The following USP7 variants were observed in gnomAD, a reference collection of about 807,000 sequenced individuals.
The protein encoded by USP7 is ubiquitin specific peptidase 7.
In USP7, 9 loss-of-function variants were observed where a neutral mutation model predicts 162.9. That is an observed-to-expected ratio of 0.06 (90% confidence interval 0.03 to 0.10). The LOEUF (loss-of-function observed/expected upper bound fraction) is 0.10. Ranked by LOEUF, USP7 falls within the 10% of genes least tolerant of loss-of-function variation. The probability of loss-of-function intolerance (pLI) is 1.00; values close to 1 mark genes in which losing one functional copy is unlikely to be tolerated. For missense variants in USP7, 715 were observed against 1,373.7 expected (o/e 0.52, Z 7.58); for synonymous variants, 562 against 475.9 (o/e 1.18, Z -2.35).
rs772106816 is a variant in USP7, at chr16:8,921,866, C to T, written c.384-571G>A. 1.2e-4 allele frequency among the ~76,000 whole-genome samples: 19 copies of T among 152,330 alleles called. No homozygotes were observed. The South Asian group carries it at 2.5e-3, about 20-fold the overall frequency. ...GATCCAGGTTCAAAAACCATACATA[C>T]AGCACTTAAGCCAAAGAAAGTTAAG... On this transcript the variant is annotated intron_variant, in intron 3 of 30. Transcript: ENST00000344836.
Position 8,945,408 on chromosome 16 carries a change from G to A in USP7, c.80-15011C>T, listed in dbSNP as rs184812800. On this transcript the variant is annotated intron_variant, in intron 1 of 30. Coordinates refer to ENST00000344836, the MANE Select transcript of USP7 (RefSeq NM_003470.3). ...CAAACAAACAAACAAAAAGTTCCTGGGAAGACTAGTTGTCCAGAGAGTAGC... is the reference window on the plus strand; with the variant it reads ...CAAACAAACAAACAAAAAGTTCCTGAGAAGACTAGTTGTCCAGAGAGTAGC... Among the ~76,000 whole-genome samples, 6 of 152,250 alleles carry A rather than the reference G, an allele frequency of 3.9e-5. No homozygotes were observed. The East Asian group carries it at 9.7e-4, about 25-fold the overall frequency.
chr16:8,905,278 A>G lies in USP7; in HGVS notation c.1482T>C (p.Ile494=), dbSNP rs561329931. 3.7e-6 allele frequency: 6 copies of G among 1,614,184 alleles called. No individual in the cohort carries two copies. The Admixed American group carries it at 5.0e-5, about 13-fold the overall frequency. ...CATCGTGACCCCCATAATTGTGCTC[A>G]ATTGCTTCCTCTTTAGTACACCTTG... ...VVSRCTKEEA[I]EHNYGGHDDD... Residue 494 remains isoleucine (I), a synonymous_variant, in exon 14 of 31, where the codon ATT becomes ATC. Transcript: ENST00000344836.
At chr16:8,896,935 C>CA (rs2061690394) in intron 26 of USP7, 64 bp downstream of exon 26, 2 of 1,254,748 alleles carry the variant, frequency 1.6e-6, no homozygotes, top group Admixed American at 1.7e-5. Flanking sequence ...AACGCAACTG[C>CA]AGAGGTCAGC....
chr16:8,953,565 G>C (rs1899661652), intron 1 of USP7, among the ~76,000 whole-genome samples: 1 of 137,072 alleles, frequency 7.3e-6, no homozygotes. Flanking sequence ...GCCACCGGAA[G>C]CAGAGGGAAG....
chr16:8,904,365 C>T (rs971501179), intron 15 of USP7, 70 bp downstream of exon 15: 14 of 1,585,654 alleles, frequency 8.8e-6, no homozygotes, highest in Non-Finnish European at 1.2e-5. Flanking sequence ...GGGGGCTGAC[C>T]TGCACTTGTG....
At chr16:8,925,169 G>A (rs1161063791) in intron 2 of USP7, among the ~76,000 whole-genome samples, 2 of 152,192 alleles carry the variant, frequency 1.3e-5, no homozygotes, top group East Asian at 1.9e-4. Flanking sequence ...GAGGTTCGCC[G>A]AGGCTGTTTT....
chr16:8,962,294 G>C (rs559276188), intron 1 of USP7, among the ~76,000 whole-genome samples: 2 of 152,164 alleles, frequency 1.3e-5, no homozygotes, highest in African/African-American at 4.8e-5. Context: ...AAGACCATTT[G>C]GACTTTGCTT....
At chr16:8,955,460 C>G (rs183423442) in intron 1 of USP7, among the ~76,000 whole-genome samples, 246 of 152,244 alleles carry the variant, frequency 1.6e-3, no homozygotes, top group Non-Finnish European at 2.8e-3. Flanking sequence ...CAGTGGCTCA[C>G]ACCTGTAATC....
intron 30 of USP7, 29 bp from the exon 31 acceptor site, chr16:8,894,133 G>T: frequency 6.3e-7 from 1 of 1,599,022 alleles, no homozygotes; most frequent in Non-Finnish European, 8.6e-7. Context: ...AGCAAGTGAG[G>T]CCACAGAGCA....
At chr16:8,912,970 G>A (rs1410415944) in intron 10 of USP7, among the ~76,000 whole-genome samples, 11 of 152,182 alleles carry the variant, frequency 7.2e-5, no homozygotes, top group Admixed American at 7.2e-4. Flanking sequence ...ACAAAACCCA[G>A]AGAAAGGAGA....
Position 8,893,319 on chromosome 16 carries a change from T to C in USP7, c.*679A>G, listed in dbSNP as rs1054363363. On this transcript the variant is annotated 3_prime_UTR_variant, in exon 31 of 31. Transcript: ENST00000344836. Reference sequence around the variant, plus strand: ...AGTAAACCTTAATTGAATTTAACAATGTTCTTGATTTAATAAAAAGACCCC... The same window carrying C: ...AGTAAACCTTAATTGAATTTAACAACGTTCTTGATTTAATAAAAAGACCCC... The C allele has an allele frequency of 6.6e-6, 1 of 152,248 alleles. No individual in the cohort carries two copies. The highest frequency in any genetic ancestry group is 2.4e-5 in the African/African-American group (1 of 41,456). The allele number at this position is 152,248 out of a possible 1,614,324, so 9.4% of individuals were successfully genotyped here.
chr16:8,905,088 C>G, intron 14 of USP7, 99 bp downstream of exon 14: 1 of 1,447,998 alleles, frequency 6.9e-7, no homozygotes, highest in Admixed American at 1.7e-5. Flanking sequence ...ATGGAATAAG[C>G]ATAAAATGTG....
Position 8,919,073 on chromosome 16 carries a change from G to A in USP7, c.678C>T (p.Asn226=), listed in dbSNP as rs532324556. The change falls in exon 6 of 31, where the codon AAC becomes AAT. Residue 226 remains asparagine, a synonymous_variant. Coordinates refer to ENST00000344836, the MANE Select transcript of USP7 (RefSeq NM_003470.3). ...LKNQGATCYM[N]SLLQTLFFTN... The stretch of plus-strand genomic sequence containing the variant: ...TGAAAAATAACGTCTGTAGCAGGCT[G>A]TTCATGTAACAAGTCGCTCCCTGAT... 6.2e-7 allele frequency: 1 copy of A among 1,614,056 alleles called. No homozygotes were observed. Among genetic ancestry groups the A allele is most frequent in the East Asian group, 2.2e-5 (1 of 44,888 alleles).
intron 1 of USP7, among the ~76,000 whole-genome samples, chr16:8,943,339 CATGT>C (rs1899131039): frequency 1.3e-5 from 2 of 151,428 alleles, no homozygotes; most frequent in South Asian, 4.1e-4. Flanking sequence ...ACTGCTTCTA[CATGT>C]ATAGTCTGCT....
rs549036568 is a variant in USP7 at position 8,895,264 on chromosome 16, A to AC, written c.2920-115_2920-114insG. 2.0e-4 allele frequency: 304 copies of AC among 1,514,270 alleles called. 6 individuals carry two copies. In the South Asian group the frequency reaches 3.5e-3, roughly 18 times the overall value. The allele number at this position is 1,514,270 out of a possible 1,614,324, so 93.8% of individuals were successfully genotyped here. On this transcript the variant is annotated intron_variant, in intron 27 of 30. Coordinates refer to ENST00000344836, the MANE Select transcript of USP7 (RefSeq NM_003470.3). ...GGAGGGTAAAGCCTATTTTTGCTAA[A>AC]AAAACGCCACACCTGGATCCAGCCA...
At chr16:8,903,867 CAAA>C (rs36064651) in intron 15 of USP7, among the ~76,000 whole-genome samples, 6 of 120,548 alleles carry the variant, frequency 5.0e-5, no homozygotes, top group East Asian at 2.5e-4. Flanking sequence ...AACTCTGTCT[CAAA>C]AAAAAAAAAA....
intron 2 of USP7, among the ~76,000 whole-genome samples, chr16:8,926,326 A>G (rs1423384776): frequency 1.3e-5 from 2 of 152,058 alleles, no homozygotes; most frequent in African/African-American, 2.4e-5. Flanking sequence ...AAAAATAAAA[A>G]AAATTAGCTG....
chr16:8,954,885 G>C (rs1263291722), intron 1 of USP7, among the ~76,000 whole-genome samples: 3 of 152,110 alleles, frequency 2.0e-5, no homozygotes. Context: ...GTGTGAACCC[G>C]GGAGGCAGAG....
chr16:8,915,814 G>C (rs1006287246), intron 8 of USP7, among the ~76,000 whole-genome samples: 1 of 152,206 alleles, frequency 6.6e-6, no homozygotes, highest in Non-Finnish European at 1.5e-5. Context: ...CTGTGGAAAA[G>C]CATGTAAAAT....
Sources: gnomAD v4.1 joint callset for allele counts (sites outside exome capture counted in the v4.1 genomes callset) on GRCh38, gnomAD v4.1.1 for gene constraint, MANE v1.5 for transcripts, NCBI Gene and HGNC (gene_info 2026-07-23, HGNC 2026-07-21) for gene names.